Variants in ERBB4 observed in about 807,000 individuals in gnomAD.
The protein encoded by ERBB4 is erb-b2 receptor tyrosine kinase 4.
A neutral mutation model predicts 158.0 loss-of-function variants in ERBB4; 42 were observed. That is an observed-to-expected ratio of 0.27 (90% CI 0.21 to 0.34). ERBB4 has a LOEUF of 0.34. Ranked by LOEUF, ERBB4 falls within the 10% of genes least tolerant of loss-of-function variation. ERBB4 has a pLI of 1.00. For missense variants in ERBB4, 1,333 were observed against 1,624.1 expected (o/e 0.82, Z 3.08); for synonymous variants, 583 against 558.7 (o/e 1.04, Z -0.61).
intron 19 of ERBB4, among the ~76,000 whole-genome samples, chr2:211,579,465 T>A (rs2125764962): frequency 6.6e-6 from 1 of 152,260 alleles, no homozygotes; most frequent in African/African-American, 2.4e-5. Flanking sequence ...CCTAAAGGAA[T>A]ATAAACCATT....
chr2:211,844,164 G>T (rs374480505), intron 3 of ERBB4, among the ~76,000 whole-genome samples: 1 of 151,952 alleles, frequency 6.6e-6, no homozygotes, highest in African/African-American at 2.4e-5. Flanking sequence ...CTAGATGAAT[G>T]AACACATACG....
intron 22 of ERBB4, among the ~76,000 whole-genome samples, chr2:211,425,394 T>C: frequency 6.6e-6 from 1 of 150,446 alleles, no homozygotes; most frequent in East Asian, 1.9e-4. Flanking sequence ...TTCTTTCTAA[T>C]AGAATATTAA....
intron 2 of ERBB4, among the ~76,000 whole-genome samples, chr2:212,060,912 A>C: frequency 6.6e-6 from 1 of 151,464 alleles, no homozygotes. Context: ...ATACATATGT[A>C]ACAAACCTGT....
chr2:212,459,759 C>CA (rs781427625), intron 1 of ERBB4, among the ~76,000 whole-genome samples: 11 of 152,134 alleles, frequency 7.2e-5, no homozygotes, highest in Non-Finnish European at 1.6e-4. Context: ...CCCAATACAA[C>CA]AGAATAGAGA....
At position 212,526,836 on chromosome 2, in the gene ERBB4, G is replaced by C. The variant is rs186920317; in HGVS notation, c.82+11613C>G. Among the ~76,000 whole-genome samples the C allele has an allele frequency of 2.9e-3, 434 of 152,112 alleles. 3 individuals are homozygous for C. The highest frequency in any genetic ancestry group is 0.01 in the African/African-American group (416 of 41,512). On this transcript the variant is annotated intron_variant, in intron 1 of 27. Coordinates refer to ENST00000342788, the MANE Select transcript of ERBB4 (RefSeq NM_005235.3). ...AATTGTCTCCCCACCTATATTTATG[G>C]GTGTTAGCGCAACTGCTTTGCTAGT...
At chr2:211,456,584 T>C (rs1335240868) in intron 20 of ERBB4, among the ~76,000 whole-genome samples, 1 of 152,274 alleles carries the variant, frequency 6.6e-6, no homozygotes, top group East Asian at 1.9e-4. Flanking sequence ...TATATACGTA[T>C]GCAAAATTTA....
chr2:211,629,066 T>C (rs1227753714), intron 17 of ERBB4, among the ~76,000 whole-genome samples: 13 of 152,170 alleles, frequency 8.5e-5, no homozygotes, highest in Non-Finnish European at 1.9e-4. Context: ...AGATTCTGGA[T>C]ATTAGCCCTT....
chr2:211,950,209 A>G (rs2080836365), intron 2 of ERBB4, among the ~76,000 whole-genome samples: 1 of 152,156 alleles, frequency 6.6e-6, no homozygotes, highest in Admixed American at 6.5e-5. Flanking sequence ...CCATCCCCAG[A>G]GAGCAGATTG....
chr2:211,836,178 T>G lies in ERBB4; in HGVS notation c.422-48019A>C, dbSNP rs2077336788. Among the ~76,000 whole-genome samples, 3 of 152,104 alleles carry G rather than the reference T, an allele frequency of 2.0e-5. No individual in the cohort carries two copies. In the South Asian group the frequency reaches 6.2e-4, roughly 31 times the overall value. The stretch of plus-strand genomic sequence containing the variant: ...GTGAGTTAACGATGGAAAAATATTT[T>G]GTAAATGATGGCTGCTCTGGGAGTC... On this transcript the variant is annotated intron_variant, in intron 3 of 27. Transcript: ENST00000342788.
intron 2 of ERBB4, among the ~76,000 whole-genome samples, chr2:212,002,443 A>G (rs2076128062): frequency 6.6e-6 from 1 of 152,140 alleles, no homozygotes; most frequent in African/African-American, 2.4e-5. Context: ...CTATTCCCAG[A>G]CCTATTCTCT....
intron 1 of ERBB4, among the ~76,000 whole-genome samples, chr2:212,412,938 TGTAGA>T (rs1161558455): frequency 2.6e-5 from 4 of 151,488 alleles, no homozygotes; most frequent in Non-Finnish European, 4.4e-5. Flanking sequence ...GTTTGTGATA[TGTAGA>T]GTATTTTTTT....
At chr2:212,194,888 C>T (rs182799774) in intron 1 of ERBB4, among the ~76,000 whole-genome samples, 3 of 151,980 alleles carry the variant, frequency 2.0e-5, no homozygotes, top group Non-Finnish European at 4.4e-5. Flanking sequence ...CTCAGAAAGG[C>T]TCTAAATTCT....
chr2:211,604,391 A>C (rs1382724667), intron 19 of ERBB4, among the ~76,000 whole-genome samples: 1 of 152,192 alleles, frequency 6.6e-6, no homozygotes, highest in Admixed American at 6.5e-5. Context: ...ACTGTTCCTT[A>C]TCAAATACTG....
chr2:211,808,994 C>G (rs1411563952), intron 3 of ERBB4, among the ~76,000 whole-genome samples: 1 of 152,170 alleles, frequency 6.6e-6, no homozygotes, highest in Non-Finnish European at 1.5e-5. Flanking sequence ...TGAGACTTTG[C>G]TGAAGTTGCC....
chr2:211,553,257 C>T (rs1285283570), intron 20 of ERBB4, among the ~76,000 whole-genome samples: 1 of 152,092 alleles, frequency 6.6e-6, no homozygotes, highest in African/African-American at 2.4e-5. Flanking sequence ...GCATGAGCCA[C>T]CACGCCCAGC....
intron 1 of ERBB4, among the ~76,000 whole-genome samples, chr2:212,225,464 GA>G (rs5838310): frequency 0.48 from 73,200 of 151,648 alleles, 18,052 homozygotes; most frequent in East Asian, 0.76. Flanking sequence ...TTCGAATTAT[GA>G]AATGCCTCAT....
chr2:211,814,010 A>T (rs1430238100), intron 3 of ERBB4, among the ~76,000 whole-genome samples: 2 of 152,158 alleles, frequency 1.3e-5, no homozygotes, highest in Non-Finnish European at 2.9e-5. Context: ...ATTACACATT[A>T]TGTATACATA....
intron 13 of ERBB4, among the ~76,000 whole-genome samples, chr2:211,678,053 T>C (rs1039249608): frequency 6.6e-6 from 1 of 152,052 alleles, no homozygotes; most frequent in African/African-American, 2.4e-5. Context: ...ATATGAAATA[T>C]TATGCAACCA....
chr2:211,504,483 CA>C (rs1015697983), intron 20 of ERBB4, among the ~76,000 whole-genome samples: 8 of 151,370 alleles, frequency 5.3e-5, no homozygotes, highest in African/African-American at 1.9e-4. Context: ...AAAGTAAATT[CA>C]AAACTAAGAT....
Sources: allele counts gnomAD v4.1 joint callset (sites outside exome capture counted in the v4.1 genomes callset), GRCh38; gene constraint gnomAD v4.1.1; transcripts MANE v1.5; gene names NCBI Gene and HGNC (gene_info 2026-07-23, HGNC 2026-07-21).